DAB1: variants seen among roughly 807,000 people sequenced by gnomAD.
The protein encoded by DAB1 is disabled homolog 1.
A neutral mutation model predicts 64.6 loss-of-function variants in DAB1; 15 were observed. The observed-to-expected ratio is 0.23, with a 90% CI of 0.16 to 0.36. The LOEUF is 0.36. Among genes scored for constraint, DAB1 ranks in the 10% least tolerant of loss-of-function variants. The pLI, the probability that DAB1 is intolerant of heterozygous loss-of-function variation, is 1.00. For synonymous variants in DAB1, 235 were observed against 251.9 expected (o/e 0.93, Z 0.64); for missense variants, 596 against 706.7 (o/e 0.84, Z 1.78).
intron 4 of DAB1, among the ~76,000 whole-genome samples, chr1:58,250,567 G>A (rs1660766466): frequency 6.6e-6 from 1 of 152,232 alleles, no homozygotes; most frequent in Admixed American, 6.5e-5. Flanking sequence ...CCCCGAATAG[G>A]GGAGCCCCTC....
chr1:58,267,987 T>C (rs1181536035), intron 4 of DAB1, among the ~76,000 whole-genome samples: 1 of 152,158 alleles, frequency 6.6e-6, no homozygotes, highest in Non-Finnish European at 1.5e-5. Context: ...CTTAACTAGA[T>C]TCTGAGCCAG....
At chr1:57,243,960 A>C (rs1459488008) in intron 2 of DAB1, among the ~76,000 whole-genome samples, 1 of 152,082 alleles carries the variant, frequency 6.6e-6, no homozygotes, top group African/African-American at 2.4e-5. Context: ...ATTCTTTTAA[A>C]AATTATTCTT....
At chr1:57,262,660 T>C (rs1670272117) in intron 2 of DAB1, among the ~76,000 whole-genome samples, 4 of 152,226 alleles carry the variant, frequency 2.6e-5, no homozygotes, top group Admixed American at 1.3e-4. Context: ...CTCATTTGCA[T>C]CCAGACTGAT....
intron 3 of DAB1, among the ~76,000 whole-genome samples, chr1:58,396,546 G>A (rs1644524032): frequency 6.6e-6 from 1 of 151,990 alleles, no homozygotes; most frequent in African/African-American, 2.4e-5. Context: ...AAGAGATGGA[G>A]AGAGACAAAG....
At chr1:57,405,415 G>T (rs1426799974) in intron 1 of DAB1, among the ~76,000 whole-genome samples, 4 of 152,180 alleles carry the variant, frequency 2.6e-5, no homozygotes, top group Non-Finnish European at 4.4e-5. Flanking sequence ...GACTGAACTT[G>T]CACGTGAGGG....
chr1:57,604,851 G>A (rs1462254970), intron 7 of DAB1, among the ~76,000 whole-genome samples: 1 of 152,108 alleles, frequency 6.6e-6, no homozygotes, highest in Non-Finnish European at 1.5e-5. Context: ...ACCCATAGGA[G>A]TTGTGTAAAC....
intron 2 of DAB1, among the ~76,000 whole-genome samples, chr1:57,146,533 A>G (rs1307489190): frequency 6.7e-6 from 1 of 148,510 alleles, no homozygotes; most frequent in African/African-American, 2.5e-5. Flanking sequence ...CAGATGTGCA[A>G]ACTAAGGCCT....
At chr1:58,310,640 T>G (rs906171961) in intron 4 of DAB1, among the ~76,000 whole-genome samples, 4 of 152,120 alleles carry the variant, frequency 2.6e-5, no homozygotes, top group Non-Finnish European at 1.5e-5. Context: ...GACTGCCCAG[T>G]TGCTCAACCC....
At chr1:57,782,877 C>T (rs923706725) in intron 6 of DAB1, among the ~76,000 whole-genome samples, 3 of 152,044 alleles carry the variant, frequency 2.0e-5, no homozygotes, top group African/African-American at 7.2e-5. Context: ...CCACCATCTG[C>T]GATGGGGTTT....
chr1:58,039,128 C>T (rs1048587921), intron 5 of DAB1, among the ~76,000 whole-genome samples: 3 of 152,136 alleles, frequency 2.0e-5, no homozygotes, highest in African/African-American at 7.2e-5. Context: ...TACTCCATTC[C>T]CAGGCTTAGC....
intron 5 of DAB1, among the ~76,000 whole-genome samples, chr1:58,036,937 G>GGATC (rs1647053094): frequency 6.6e-6 from 1 of 152,100 alleles, no homozygotes; most frequent in Non-Finnish European, 1.5e-5. Flanking sequence ...ATTGGTTAAG[G>GGATC]GATCAATCAT....
intron 3 of DAB1, among the ~76,000 whole-genome samples, chr1:58,441,948 C>T (rs1193925426): frequency 2.6e-5 from 4 of 152,086 alleles, no homozygotes; most frequent in Admixed American, 1.3e-4. Context: ...ACCGAGGGGG[C>T]GAGGGAGACT....
At chr1:57,546,446 C>A (rs887832785) in intron 7 of DAB1, among the ~76,000 whole-genome samples, 2 of 152,126 alleles carry the variant, frequency 1.3e-5, no homozygotes, top group Admixed American at 6.5e-5. Flanking sequence ...GAAGCCTGAC[C>A]ATTTGAATCC....
intron 1 of DAB1, among the ~76,000 whole-genome samples, chr1:57,391,618 G>T (rs1194166409): frequency 6.6e-6 from 1 of 152,052 alleles, no homozygotes; most frequent in African/African-American, 2.4e-5. Context: ...GATATATTCT[G>T]GAAAACAAGA....
intron 6 of DAB1, among the ~76,000 whole-genome samples, chr1:57,785,538 C>T (rs1022287555): frequency 6.6e-6 from 1 of 152,096 alleles, no homozygotes; most frequent in African/African-American, 2.4e-5. Flanking sequence ...TGATTCCAGC[C>T]TTCATGGATG....
intron 6 of DAB1, among the ~76,000 whole-genome samples, chr1:57,695,361 G>GA (rs1553119650): frequency 0.012 from 846 of 68,126 alleles, 46 homozygotes; most frequent in Middle Eastern, 0.021. Context: ...AGAAAAGAAA[G>GA]AAGAAAGAAA....
intron 1 of DAB1, among the ~76,000 whole-genome samples, chr1:57,330,353 G>A (rs2100794320): frequency 6.6e-6 from 1 of 152,302 alleles, no homozygotes; most frequent in Non-Finnish European, 1.5e-5. Context: ...GTGCAGATGT[G>A]TGTCGTACCC....
intron 5 of DAB1, among the ~76,000 whole-genome samples, chr1:58,013,288 G>A (rs1487463191): frequency 6.6e-6 from 1 of 152,132 alleles, no homozygotes; most frequent in East Asian, 1.9e-4. Context: ...AAGTGGGCAT[G>A]AGAACTCCCA....
At chr1:58,057,211 T>A (rs4912297) in intron 5 of DAB1, among the ~76,000 whole-genome samples, 58,334 of 151,932 alleles carry the variant, frequency 0.38, 11,538 homozygotes, top group Non-Finnish European at 0.45. Context: ...TTATTTTTTT[T>A]AATTATGAAT....
Sources: gnomAD v4.1 joint callset for allele counts (sites outside exome capture counted in the v4.1 genomes callset) on GRCh38, gnomAD v4.1.1 for gene constraint, MANE v1.5 for transcripts, NCBI Gene and HGNC (gene_info 2026-07-23, HGNC 2026-07-21) for gene names.